ADGRL1: variants seen among roughly 807,000 people sequenced by gnomAD.
ADGRL1 encodes the protein CIRL-1.
Under a neutral mutation model 148.9 loss-of-function variants are expected in ADGRL1, and 31 were observed. That is an observed-to-expected ratio of 0.21 (90% CI 0.16 to 0.28). The LOEUF is 0.28. ADGRL1 is among the 10% of genes least tolerant of loss of function. The probability of loss-of-function intolerance (pLI) is 1.00; values close to 1 mark genes in which losing one functional copy is unlikely to be tolerated. For synonymous variants in ADGRL1, 937 were observed against 900.3 expected, an observed-to-expected ratio of 1.04 and a Z score of -0.73; for missense variants, 1,521 against 2,058.8, an observed-to-expected ratio of 0.74 and a Z score of 5.05.
In ADGRL1 at chr19:14,148,014, AG is replaced by A. The variant is rs1236628909; in HGVS notation, c.*2858del. 6.5e-6 allele frequency: 1 copy of A among 152,734 alleles called. No individual in the cohort carries two copies. Among genetic ancestry groups the A allele is most frequent in the East Asian group, 1.9e-4 (1 of 5,196 alleles). 9.5% of individuals were successfully genotyped at this position (152,734 alleles called of 1,614,324 possible). On this transcript the variant is annotated 3_prime_UTR_variant, in exon 23 of 23. Transcript: ENST00000361434. ...GACAGCCAGAAAGACATGGGGAAAGAGTGTTGGAGACAGAGAAAGGGGAAGG... is the reference window on the plus strand; with the variant it reads ...GACAGCCAGAAAGACATGGGGAAAGATGTTGGAGACAGAGAAAGGGGAAGG...
chr19:14,199,500 T>C (rs756555624), intron 1 of ADGRL1, among the ~76,000 whole-genome samples: 1 of 151,838 alleles, frequency 6.6e-6, no homozygotes, highest in Non-Finnish European at 1.5e-5. Context: ...GGTGGGATCA[T>C]AGCTCACCAC....
chr19:14,166,018 G>A (rs569456971), intron 4 of ADGRL1, among the ~76,000 whole-genome samples: 4 of 152,070 alleles, frequency 2.6e-5, no homozygotes, highest in East Asian at 3.9e-4. Flanking sequence ...CCCAATAACA[G>A]CCAGTAATGG....
intron 17 of ADGRL1, 44 bp downstream of exon 17, chr19:14,156,065 CG>C: frequency 1.0e-6 from 1 of 968,594 alleles, no homozygotes; most frequent in Non-Finnish European, 1.3e-6. Flanking sequence ...CAGCGTGGGG[CG>C]GGGGTGGGTG....
intron 1 of ADGRL1, among the ~76,000 whole-genome samples, chr19:14,203,828 G>T (rs55718150): frequency 0.77 from 116,616 of 151,596 alleles, 45,744 homozygotes; most frequent in African/African-American, 0.94. Context: ...GTACGCAAGC[G>T]CCCAGAAGTG....
chr19:14,186,277 T>C (rs1310877837), intron 1 of ADGRL1, among the ~76,000 whole-genome samples: 1 of 152,138 alleles, frequency 6.6e-6, no homozygotes, highest in East Asian at 1.9e-4. Context: ...AGGCTGAACA[T>C]GAACTTCTGG....
chr19:14,192,702 C>A (rs1386787252), intron 1 of ADGRL1, among the ~76,000 whole-genome samples: 1 of 152,036 alleles, frequency 6.6e-6, no homozygotes, highest in East Asian at 1.9e-4. Flanking sequence ...AGTCACAGGC[C>A]ACCACACCTG....
chr19:14,148,380 A>G lies in ADGRL1; in HGVS notation c.*2493T>C, dbSNP rs1181502261. Reference sequence around the variant, plus strand: ...GATTGTCCGAGTCTGGAGAGATACAAGGAAGGCTGGGCAGGGAGGAAGTTG... The same window carrying G: ...GATTGTCCGAGTCTGGAGAGATACAGGGAAGGCTGGGCAGGGAGGAAGTTG... On this transcript the variant is annotated 3_prime_UTR_variant, in exon 23 of 23. Coordinates refer to ENST00000361434, the MANE Select transcript of ADGRL1 (RefSeq NM_014921.5). 4 of 152,286 alleles carry G rather than the reference A, an allele frequency of 2.6e-5. No homozygotes were observed. Among genetic ancestry groups the G allele is most frequent in the Admixed American group, 2.6e-4 (4 of 15,282 alleles). 9.4% of individuals were successfully genotyped at this position (152,286 alleles called of 1,614,324 possible). A position where few individuals can be genotyped will look rare whatever the true frequency, so the allele number is the denominator to read the frequency against.
chr19:14,187,672 C>T (rs1225953951), intron 1 of ADGRL1, among the ~76,000 whole-genome samples: 2 of 151,570 alleles, frequency 1.3e-5, no homozygotes, highest in Admixed American at 6.6e-5. Flanking sequence ...ACCCCGCCGC[C>T]GCCACCAGCC....
intron 1 of ADGRL1, among the ~76,000 whole-genome samples, chr19:14,185,615 A>T (rs1971532348): frequency 6.6e-6 from 1 of 152,154 alleles, no homozygotes; most frequent in South Asian, 2.1e-4. Flanking sequence ...TCTCTGAGGC[A>T]GGCCCTGAAG....
chr19:14,160,328 C>A lies in ADGRL1; in HGVS notation c.1615-31G>T, dbSNP rs1969224725. On this transcript the variant is annotated intron_variant, in intron 7 of 22. Transcript: ENST00000361434. This position sits in a 1 kb window ranked among gnomAD's most constrained non-coding sequence, Gnocchi z 5.9. Reference sequence around the variant, plus strand: ...TGAGGTGGGGGCGGGAAGGGGGAATCCCAGGACTGTCAGGGACCATCCTGC... The same window carrying A: ...TGAGGTGGGGGCGGGAAGGGGGAATACCAGGACTGTCAGGGACCATCCTGC... 3 of 1,568,030 alleles carry A rather than the reference C, an allele frequency of 1.9e-6. No individual in the cohort carries two copies. Among genetic ancestry groups the A allele is most frequent in the East Asian group, 2.3e-5 (1 of 44,004 alleles).
rs779062197 is a variant in ADGRL1 at position 14,157,450 on chromosome 19, C to T, written c.2546G>A (p.Arg849His). The change falls in exon 14 of 23, where the codon CGC (arginine) becomes CAC (histidine). Residue 849 changes from arginine to histidine, a missense_variant. Arg to His is a conservative substitution (Grantham distance 29, BLOSUM62 0). Around this residue, in one of 8 missense-constraint regions of ADGRL1, gnomAD observed 265 missense variants for 431.9 expected, o/e 0.61. Coordinates refer to ENST00000361434, the MANE Select transcript of ADGRL1 (RefSeq NM_014921.5). The surrounding 1 kb of genome is among the most constrained non-coding windows in gnomAD (Gnocchi z 7.5). Reference protein sequence around the residue: ...LMAHREIYQGRINELLLSVIT... With the variant: ...LMAHREIYQGHINELLLSVIT... Reference sequence around the variant, plus strand: ...GACCGACAGCAGCAGCTCGTTGATGCGGCCCTGGTACTGGGGACAGGAACA... The same window carrying T: ...GACCGACAGCAGCAGCTCGTTGATGTGGCCCTGGTACTGGGGACAGGAACA... The T allele has an allele frequency of 2.9e-5, 46 of 1,613,838 alleles. No individual in the cohort carries two copies. Among genetic ancestry groups the T allele is most frequent in the South Asian group, 6.6e-5 (6 of 91,088 alleles).
intron 4 of ADGRL1, among the ~76,000 whole-genome samples, chr19:14,165,504 G>A (rs1488551736): frequency 6.6e-6 from 1 of 152,140 alleles, no homozygotes; most frequent in Non-Finnish European, 1.5e-5. Context: ...GGAAGGGTCT[G>A]TCTGGGGCCT....
At chr19:14,202,870 C>T (rs536849384) in intron 1 of ADGRL1, among the ~76,000 whole-genome samples, 4 of 152,150 alleles carry the variant, frequency 2.6e-5, no homozygotes, top group East Asian at 3.9e-4. Context: ...TTATGAACAC[C>T]GGATGAGTCT....
rs139945050 is a variant in ADGRL1, at chr19:14,158,788, G to A, written c.2150-236C>T. 3.7e-4 allele frequency among the ~76,000 whole-genome samples: 56 copies of A among 152,308 alleles called. No homozygotes were observed. In the East Asian group the frequency reaches 9.3e-3, roughly 25 times the overall value. On this transcript the variant is annotated intron_variant, in intron 11 of 22. Coordinates refer to ENST00000361434, the MANE Select transcript of ADGRL1 (RefSeq NM_014921.5). ...GGCAGTGTGCCAGGACACACAAGCT[G>A]GGCCTCCGACCCACCCATTCTCACT...
chr19:14,178,666 G>A (rs1970983635), intron 2 of ADGRL1, among the ~76,000 whole-genome samples: 2 of 152,048 alleles, frequency 1.3e-5, no homozygotes, highest in Non-Finnish European at 2.9e-5. Context: ...ACAGATTCAC[G>A]CCACCATGTC....
intron 1 of ADGRL1, among the ~76,000 whole-genome samples, chr19:14,204,947 T>G (rs1599537589): frequency 2.0e-5 from 3 of 148,986 alleles, no homozygotes; most frequent in South Asian, 2.2e-4. Context: ...TGGCTGGGGG[T>G]GGATGGGGGT....
rs1968366825 is a variant in ADGRL1 at position 14,152,975 on chromosome 19, C to G, written c.3295-63G>C. On this transcript the variant is annotated intron_variant, in intron 18 of 22. Transcript: ENST00000361434. The surrounding 1 kb of genome is among the most constrained non-coding windows in gnomAD (Gnocchi z 6.1). ...GCCTCCTCTGTGATCCAGTCTCCCA[C>G]AGGGCTGGTCACAAGACAGGCAGCC... 1 of 1,581,906 alleles carries G rather than the reference C, an allele frequency of 6.3e-7. No homozygotes were observed. Among genetic ancestry groups the G allele is most frequent in the African/African-American group, 1.3e-5 (1 of 74,452 alleles).
At chr19:14,166,588 G>A (rs1300305758) in intron 4 of ADGRL1, among the ~76,000 whole-genome samples, 2 of 151,310 alleles carry the variant, frequency 1.3e-5, no homozygotes, top group African/African-American at 4.9e-5. Flanking sequence ...GAGAAAGAGA[G>A]AGAGAGAGAG....
chr19:14,177,293 G>C (rs1382145458), intron 3 of ADGRL1, among the ~76,000 whole-genome samples: 3 of 152,152 alleles, frequency 2.0e-5, no homozygotes, highest in East Asian at 1.9e-4. Context: ...GAGGCTGGTG[G>C]GGGGAGGGAC....
Sources: gnomAD v4.1 joint callset for allele counts (sites outside exome capture counted in the v4.1 genomes callset) on GRCh38, gnomAD v4.1.1 for gene constraint, gnomAD v4.1.1 regional missense constraint, Gnocchi (gnomAD v3.1) non-coding constraint, MANE v1.5 for transcripts, NCBI Gene and HGNC (gene_info 2026-07-23, HGNC 2026-07-21) for gene names.